Variants in PLCG2 observed in about 807,000 individuals in gnomAD.
PLCG2 encodes phospholipase C gamma 2.
A neutral mutation model predicts 175.6 loss-of-function variants in PLCG2; 69 were observed. The observed-to-expected ratio is 0.39, with a 90% confidence interval of 0.32 to 0.48. PLCG2 has a LOEUF of 0.48. Ranked by LOEUF, PLCG2 falls within the 20% of genes least tolerant of loss-of-function variation. PLCG2 has a pLI of 0.91. For missense variants in PLCG2, 1,798 were observed against 1,650.9 expected (o/e 1.09, Z -1.54); for synonymous variants, 827 against 624.0 (o/e 1.33, Z -4.85).
chr16:81,764,103 G>A (rs1009240703), intron 2 of PLCG2, among the ~76,000 whole-genome samples: 10 of 152,038 alleles, frequency 6.6e-5, no homozygotes, highest in African/African-American at 2.2e-4. Flanking sequence ...GACCAGCCTG[G>A]GTAACATGGT....
At chr16:81,908,985 C>T (rs1207969607) in intron 17 of PLCG2, among the ~76,000 whole-genome samples, 1 of 152,170 alleles carries the variant, frequency 6.6e-6, no homozygotes. Flanking sequence ...ATCTCTGTCT[C>T]CTCCATAAAA....
chr16:81,756,503 C>T (rs1040472601), intron 2 of PLCG2, among the ~76,000 whole-genome samples: 1 of 152,148 alleles, frequency 6.6e-6, no homozygotes, highest in African/African-American at 2.4e-5. Context: ...AGTGGAGGAG[C>T]CAAGCCTGTA....
upstream of PLCG2, among the ~76,000 whole-genome samples, chr16:81,776,088 T>TTTCTTTCTTGCTTTCTTG (rs61683542): frequency 2.1e-5 from 1 of 47,116 alleles, no homozygotes; most frequent in Non-Finnish European, 5.3e-5. Context: ...TCTCTCTCTC[T>TTTCTTTCTTGCTTTCTTG]CTTTCTTTCT....
At position 81,937,795 on chromosome 16, in the gene PLCG2, C is replaced by T; in HGVS notation, c.3090C>T (p.Leu1030=). Reference sequence around the variant, plus strand: ...AGATGAATCACGCATTGTTTTCTCTCAATGGGCGCACGGGCTACGTTCTGC... The same window carrying T: ...AGATGAATCACGCATTGTTTTCTCTTAATGGGCGCACGGGCTACGTTCTGC... ...YMQMNHALFS[L]NGRTGYVLQP... Residue 1030 remains leucine, a synonymous_variant, in exon 28 of 33, where the codon CTC becomes CTT. Transcript: ENST00000564138. The T allele has an allele frequency of 6.2e-7, 1 of 1,613,982 alleles. No individual in the cohort carries two copies. Among genetic ancestry groups the T allele is most frequent in the South Asian group, 1.1e-5 (1 of 91,064 alleles).
intron 10 of PLCG2, chr16:81,889,535 A>G (rs1465826159): frequency 9.6e-6 from 3 of 311,416 alleles, no homozygotes; most frequent in African/African-American, 6.4e-5. Flanking sequence ...GGGAATTGCA[A>G]TAGGGAAAGA....
At chr16:81,940,783 A>C (rs1910908045) in intron 30 of PLCG2, among the ~76,000 whole-genome samples, 1 of 151,978 alleles carries the variant, frequency 6.6e-6, no homozygotes, top group Non-Finnish European at 1.5e-5. Flanking sequence ...TTACAAAAAC[A>C]AAAAAAACTG....
chr16:81,951,293 C>A (rs144127471), intron 31 of PLCG2, among the ~76,000 whole-genome samples: 1 of 151,974 alleles, frequency 6.6e-6, no homozygotes, highest in Admixed American at 6.6e-5. Flanking sequence ...TCTTTGCCTA[C>A]TTAATAAAAG....
At chr16:81,934,915 C>G (rs542503452) in intron 26 of PLCG2, among the ~76,000 whole-genome samples, 1 of 152,114 alleles carries the variant, frequency 6.6e-6, no homozygotes, top group African/African-American at 2.4e-5. Flanking sequence ...ACCACAACAA[C>G]GGTACAGGGG....
Position 81,868,732 on chromosome 16 carries a change from A to G in PLCG2, c.480-482A>G, listed in dbSNP as rs376433426. On this transcript the variant is annotated intron_variant, in intron 5 of 32. Transcript: ENST00000564138. ...CTTTGGCATTTCTGTGGCATTTTGT[A>G]TTGAGATTATCTGGTCATTTGACAT... Among the ~76,000 whole-genome samples, 47 of 152,326 alleles carry G rather than the reference A, an allele frequency of 3.1e-4. No homozygotes were observed. The South Asian group carries it at 6.2e-3, about 20-fold the overall frequency.
At chr16:81,805,762 G>GTTTTT (rs1567473489) in intron 2 of PLCG2, among the ~76,000 whole-genome samples, 1 of 38,908 alleles carries the variant, frequency 2.6e-5, no homozygotes, top group African/African-American at 1.4e-4. Context: ...GTAGTGTTTT[G>GTTTTT]TTTTGTTTTT....
At chr16:81,776,701 T>A (rs1910416500), upstream of PLCG2, among the ~76,000 whole-genome samples, 1 of 152,198 alleles carries the variant, frequency 6.6e-6, no homozygotes, top group South Asian at 2.1e-4. Context: ...ACTACAGGTG[T>A]GTGCCACCAT....
At chr16:81,793,951 A>G (rs1437670797) in intron 2 of PLCG2, among the ~76,000 whole-genome samples, 2 of 152,196 alleles carry the variant, frequency 1.3e-5, no homozygotes, top group Non-Finnish European at 2.9e-5. Context: ...CTCCTAAATG[A>G]TCTCAAAGAC....
intron 11 of PLCG2, among the ~76,000 whole-genome samples, chr16:81,891,914 C>T (rs1908656078): frequency 6.6e-6 from 1 of 152,318 alleles, no homozygotes; most frequent in South Asian, 2.1e-4. Context: ...ACAGTAGCCA[C>T]AGCAAAGCAA....
In PLCG2 at chr16:81,935,654, C is replaced by A. The variant is rs1175939676; in HGVS notation, c.2843-515C>A. On this transcript the variant is annotated intron_variant, in intron 26 of 32. Coordinates refer to ENST00000564138, the MANE Select transcript of PLCG2 (RefSeq NM_002661.5). The stretch of plus-strand genomic sequence containing the variant: ...TCAGCATGTTGACTGCCGGGCTATC[C>A]CACCACAGCTGGATGGGAGAGAAGA... 3 of 985,374 alleles carry A rather than the reference C, an allele frequency of 3.0e-6. No individual in the cohort carries two copies. The East Asian group carries it at 3.4e-4, about 112-fold the overall frequency. The allele number at this position is 985,374 out of a possible 1,614,324, so 61.0% of individuals were successfully genotyped here. A position where few individuals can be genotyped will look rare whatever the true frequency, so the allele number is the denominator to read the frequency against.
chr16:81,869,352 C>T, intron 6 of PLCG2, 54 bp downstream of exon 6: 1 of 1,288,808 alleles, frequency 7.8e-7, no homozygotes, highest in Non-Finnish European at 1.1e-6. Context: ...GACTTAGCCT[C>T]TCTCATGAAG....
At chr16:81,836,748 G>C (rs1184304147) in intron 2 of PLCG2, among the ~76,000 whole-genome samples, 1 of 152,182 alleles carries the variant, frequency 6.6e-6, no homozygotes, top group Non-Finnish European at 1.5e-5. Flanking sequence ...TCAAAAACGA[G>C]TGCAAACTTT....
chr16:81,875,668 C>T (rs1459251280), intron 7 of PLCG2, among the ~76,000 whole-genome samples: 1 of 152,190 alleles, frequency 6.6e-6, no homozygotes, highest in Admixed American at 6.5e-5. Flanking sequence ...TAATACCTGG[C>T]TACGTGACTG....
chr16:81,858,106 C>T (rs528248375), intron 3 of PLCG2, 157 bp from the exon 4 acceptor site: 19 of 643,176 alleles, frequency 3.0e-5, no homozygotes, highest in African/African-American at 2.6e-4. Flanking sequence ...GTCCTAGGGC[C>T]ATGACGGTGT....
intron 30 of PLCG2, among the ~76,000 whole-genome samples, chr16:81,942,523 T>G (rs1910986323): frequency 6.6e-6 from 1 of 152,182 alleles, no homozygotes; most frequent in South Asian, 2.1e-4. Context: ...AAAAATAAAC[T>G]TCACCCATTG....
Sources: allele counts gnomAD v4.1 joint callset (sites outside exome capture counted in the v4.1 genomes callset), GRCh38; gene constraint gnomAD v4.1.1; transcripts MANE v1.5; gene names NCBI Gene and HGNC (gene_info 2026-07-23, HGNC 2026-07-21).